The following IQSEC1 variants were observed in gnomAD, a reference collection of about 807,000 sequenced individuals.
The protein encoded by IQSEC1 is IQ motif and SEC7 domain-containing protein 1.
IQSEC1 carries 31 observed loss-of-function variants against 91.0 expected under a neutral mutation model. The observed-to-expected ratio is 0.34, with a 90% CI of 0.26 to 0.46. The LOEUF (loss-of-function observed/expected upper bound fraction) is 0.46. IQSEC1 is among the 20% of genes least tolerant of loss of function. The pLI, the probability that IQSEC1 is intolerant of heterozygous loss-of-function variation, is 1.00. For synonymous variants in IQSEC1, 699 were observed against 662.6 expected (o/e 1.05, Z -0.84); for missense variants, 1,388 against 1,575.6 (o/e 0.88, Z 2.02).
chr3:12,967,462 G>A lies in IQSEC1; in HGVS notation c.24-25597C>T, dbSNP rs1443841129. The stretch of plus-strand genomic sequence containing the variant: ...GTGCAGGCACCACATGGCGGCCGCA[G>A]TGGGAGCGGGCCGGGCCGGGAGCCG... On this transcript the variant is annotated intron_variant, in intron 1 of 13. Transcript: ENST00000613206. This position sits in a 1 kb window ranked among gnomAD's most constrained non-coding sequence, Gnocchi z 5.9. 2 of 1,514,912 alleles carry A rather than the reference G, an allele frequency of 1.3e-6. No individual in the cohort carries two copies. Among genetic ancestry groups the A allele is most frequent in the East Asian group, 2.6e-5 (1 of 38,046 alleles). The allele number at this position is 1,514,912 out of a possible 1,614,324, so 93.8% of individuals were successfully genotyped here.
intron 1 of IQSEC1, among the ~76,000 whole-genome samples, chr3:13,267,743 A>C (rs1039644129): frequency 6.6e-6 from 1 of 151,030 alleles, no homozygotes; most frequent in Non-Finnish European, 1.5e-5. Context: ...TCAGCCTCCC[A>C]AGTAGCTGGG....
intron 1 of IQSEC1, among the ~76,000 whole-genome samples, chr3:13,200,951 A>T (rs1694233320): frequency 6.6e-6 from 1 of 152,196 alleles, no homozygotes; most frequent in South Asian, 2.1e-4. Context: ...TGGAAACAGA[A>T]GTATCAGCAA....
intron 2 of IQSEC1, among the ~76,000 whole-genome samples, chr3:13,135,591 T>C (rs1706693555): frequency 6.6e-6 from 1 of 152,202 alleles, no homozygotes; most frequent in Non-Finnish European, 1.5e-5. Context: ...AGTTCCAGGC[T>C]TGAGGGAGTC....
rs564918753 is a variant in IQSEC1, at chr3:13,273,598, C to T, written c.272+9113G>A. On this transcript the variant is annotated intron_variant, in intron 1 of 15. Coordinates refer to the IQSEC1 transcript ENST00000648114. ...GCCGTGTGCCTTCAGCCCCAGCCCA[C>T]GTGCTCCTGCCCATCCCAGCAGCCT... Among the ~76,000 whole-genome samples, 11 of 152,304 alleles carry T rather than the reference C, an allele frequency of 7.2e-5. No homozygotes were observed. The South Asian group carries it at 2.3e-3, about 32-fold the overall frequency.
chr3:13,254,251 C>T (rs921248518), intron 1 of IQSEC1, among the ~76,000 whole-genome samples: 3 of 152,354 alleles, frequency 2.0e-5, no homozygotes, highest in Non-Finnish European at 2.9e-5. Context: ...GAACCGAGCC[C>T]GCTCCCCATG....
At chr3:12,959,290 T>C (rs77844380) in intron 1 of IQSEC1, among the ~76,000 whole-genome samples, 7,300 of 152,242 alleles carry the variant, frequency 0.048, 618 homozygotes, top group African/African-American at 0.17. Context: ...TGGCTACACG[T>C]CCTGGCAAGG....
At chr3:13,031,580 C>T (rs1411568612) in intron 1 of IQSEC1, among the ~76,000 whole-genome samples, 1 of 152,180 alleles carries the variant, frequency 6.6e-6, no homozygotes, top group Non-Finnish European at 1.5e-5. Context: ...ACCTTTCCCT[C>T]GTTCACAGAT....
chr3:13,245,353 G>C (rs1440659639), intron 1 of IQSEC1, among the ~76,000 whole-genome samples: 1 of 152,168 alleles, frequency 6.6e-6, no homozygotes, highest in African/African-American at 2.4e-5. Flanking sequence ...AGAACACGCA[G>C]AGCATTACTT....
At chr3:12,920,346 C>T in intron 6 of IQSEC1, 84 bp downstream of exon 6, 2 of 1,427,410 alleles carry the variant, frequency 1.4e-6, no homozygotes, top group Middle Eastern at 1.8e-4. Flanking sequence ...GAGGTTGCCT[C>T]ACGCCCCTTA....
At chr3:13,160,878 C>T (rs918571890) in intron 2 of IQSEC1, among the ~76,000 whole-genome samples, 2 of 152,236 alleles carry the variant, frequency 1.3e-5, no homozygotes, top group African/African-American at 2.4e-5. Flanking sequence ...TCCTGGGGGT[C>T]TTCCTCTGCC....
At chr3:12,981,403 T>C (rs1466839348) in intron 1 of IQSEC1, among the ~76,000 whole-genome samples, 3 of 152,152 alleles carry the variant, frequency 2.0e-5, no homozygotes, top group Non-Finnish European at 4.4e-5. Context: ...TTTGCTTATG[T>C]ATATGTGAAA....
At chr3:13,038,297 T>TATATATATATAA (rs1184139616) in intron 1 of IQSEC1, among the ~76,000 whole-genome samples, 1 of 131,976 alleles carries the variant, frequency 7.6e-6, no homozygotes, top group Non-Finnish European at 1.6e-5. Flanking sequence ...TATATATATA[T>TATATATATATAA]AAAATGAAGT....
At chr3:12,998,604 T>TA (rs780018019) in intron 1 of IQSEC1, among the ~76,000 whole-genome samples, 4 of 152,186 alleles carry the variant, frequency 2.6e-5, no homozygotes, top group Admixed American at 1.3e-4. Context: ...TGGGTTAATG[T>TA]AGCAAGGGTC....
intron 1 of IQSEC1, among the ~76,000 whole-genome samples, chr3:13,263,439 G>GGGGGGAT (rs1553581065): frequency 2.8e-5 from 3 of 107,192 alleles, no homozygotes; most frequent in African/African-American, 9.2e-5. Flanking sequence ...GGGGGGGGGG[G>GGGGGGAT]AAAGTACCTG....
chr3:13,085,138 C>T (rs1357101846), intron 2 of IQSEC1, among the ~76,000 whole-genome samples: 1 of 152,118 alleles, frequency 6.6e-6, no homozygotes, highest in Non-Finnish European at 1.5e-5. Flanking sequence ...TCGGATGCCC[C>T]AAACAGCCAT....
chr3:13,047,465 G>C, intron 1 of IQSEC1: 1 of 985,138 alleles, frequency 1.0e-6, no homozygotes, highest in Non-Finnish European at 1.2e-6. Flanking sequence ...TGGGGTGGAC[G>C]GCAAGACAGT....
In IQSEC1 at chr3:12,980,650, G is replaced by A. The variant is rs143039128; in HGVS notation, c.24-38785C>T. ...CCACATTCAATGCCCTGCCATGCACGGGGAGGGGAGATCAGGAGGGAGGGG... is the reference window on the plus strand; with the variant it reads ...CCACATTCAATGCCCTGCCATGCACAGGGAGGGGAGATCAGGAGGGAGGGG... On this transcript the variant is annotated intron_variant, in intron 1 of 13. Coordinates refer to ENST00000613206, the MANE Select transcript of IQSEC1 (RefSeq NM_001134382.3). 1.1e-3 allele frequency among the ~76,000 whole-genome samples: 166 copies of A among 152,312 alleles called. 2 individuals carry two copies. The East Asian group carries it at 0.026, about 24-fold the overall frequency.
At chr3:12,991,647 C>T (rs1701996361) in intron 1 of IQSEC1, among the ~76,000 whole-genome samples, 1 of 152,222 alleles carries the variant, frequency 6.6e-6, no homozygotes, top group Admixed American at 6.5e-5. Flanking sequence ...CTTGCACAGC[C>T]CAGTGATGGG....
At chr3:13,105,929 G>T (rs1287912419) in intron 2 of IQSEC1, among the ~76,000 whole-genome samples, 1 of 152,210 alleles carries the variant, frequency 6.6e-6, no homozygotes, top group Non-Finnish European at 1.5e-5. Flanking sequence ...TACTAGCACT[G>T]GCAAATAGAA....
Sources: allele counts gnomAD v4.1 joint callset (sites outside exome capture counted in the v4.1 genomes callset), GRCh38; gene constraint gnomAD v4.1.1; non-coding constraint Gnocchi (gnomAD v3.1); transcripts MANE v1.5; gene names NCBI Gene and HGNC (gene_info 2026-07-23, HGNC 2026-07-21).